The following FAM167A variants were observed in gnomAD, a reference collection of about 807,000 sequenced individuals.
FAM167A encodes protein FAM167A.
Under a neutral mutation model 14.9 loss-of-function variants are expected in FAM167A, and 23 were observed. The observed-to-expected ratio is 1.55, with a 90% CI of 1.11 to 2.19. FAM167A has a LOEUF of 2.19. FAM167A is among the 30% of genes most tolerant of loss of function. The probability of loss-of-function intolerance (pLI) is 0.00; values close to 1 mark genes in which losing one functional copy is unlikely to be tolerated. For synonymous variants in FAM167A, 174 were observed against 117.7 expected (o/e 1.48, Z -3.10); for missense variants, 401 against 281.5 (o/e 1.42, Z -3.04).
chr8:11,441,634 C>A (rs1806443906), intron 2 of FAM167A, among the ~76,000 whole-genome samples: 1 of 152,176 alleles, frequency 6.6e-6, no homozygotes, highest in South Asian at 2.1e-4. Context: ...AGCTCTCTAC[C>A]CTGTATGAGT....
At chr8:11,443,402 T>C (rs999027220) in intron 2 of FAM167A, among the ~76,000 whole-genome samples, 3 of 152,190 alleles carry the variant, frequency 2.0e-5, no homozygotes, top group African/African-American at 7.2e-5. Context: ...GGCCCCGCCC[T>C]GACTTCTGAG....
At chr8:11,446,425 C>T (rs755688770) in intron 1 of FAM167A, 12 of 151,370 alleles carry the variant, frequency 7.9e-5, no homozygotes, top group Non-Finnish European at 1.2e-4. Context: ...TTGGAGCAAG[C>T]GAGAATCCCC....
chr8:11,422,516 A>T lies in FAM167A; in HGVS notation c.*1857T>A, dbSNP rs970890689. The T allele has an allele frequency of 6.6e-6, 1 of 152,628 alleles. No homozygotes were observed. Among genetic ancestry groups the T allele is most frequent in the South Asian group, 2.1e-4 (1 of 4,826 alleles). 9.5% of individuals were successfully genotyped at this position (152,628 alleles called of 1,614,324 possible). On this transcript the variant is annotated 3_prime_UTR_variant, in exon 3 of 3. Transcript: ENST00000284486. The stretch of plus-strand genomic sequence containing the variant: ...GAGCTCTGAGGAAGGACAGCAGTAC[A>T]TGGTCCTCAGGCCTGCAGACTTCAT...
In FAM167A at chr8:11,443,782, G is replaced by C. The variant is rs150852499; in HGVS notation, c.381+249C>G. ...ACACCTTAACATGGGTTCAGGTTCT[G>C]CCAGAAAACACCTGCTTCCTTCATT... On this transcript the variant is annotated intron_variant, in intron 2 of 2. Transcript: ENST00000284486. 547 of 500,666 alleles carry C rather than the reference G, an allele frequency of 1.1e-3. 2 individuals carry two copies. Among genetic ancestry groups the C allele is most frequent in the Middle Eastern group, 2.1e-3 (4 of 1,872 alleles). The allele number at this position is 500,666 out of a possible 1,614,324, so 31.0% of individuals were successfully genotyped here.
chr8:11,457,354 G>T (rs955364413), intron 1 of FAM167A, among the ~76,000 whole-genome samples: 2 of 151,862 alleles, frequency 1.3e-5, no homozygotes, highest in Non-Finnish European at 2.9e-5. Context: ...TCTTCTGAAG[G>T]ACATTGATGC....
upstream of FAM167A, among the ~76,000 whole-genome samples, chr8:11,470,257 G>A (rs185832432): frequency 2.3e-3 from 357 of 152,272 alleles, 3 homozygotes; most frequent in Admixed American, 0.022. Flanking sequence ...TCGCTAATAA[G>A]GTGGTTTTCT....
chr8:11,447,576 C>G (rs1022036846), intron 1 of FAM167A, among the ~76,000 whole-genome samples: 1 of 152,184 alleles, frequency 6.6e-6, no homozygotes. Context: ...CAAAGTAGCC[C>G]CCAGAGGCAG....
At chr8:11,434,371 A>G (rs891004802) in intron 2 of FAM167A, among the ~76,000 whole-genome samples, 1 of 152,036 alleles carries the variant, frequency 6.6e-6, no homozygotes, top group African/African-American at 2.4e-5. Flanking sequence ...GGCAGGTGCA[A>G]TGGCTCCTGT....
At chr8:11,425,791 G>A (rs1236270081) in intron 2 of FAM167A, among the ~76,000 whole-genome samples, 2 of 132,444 alleles carry the variant, frequency 1.5e-5, no homozygotes, top group Non-Finnish European at 3.5e-5. Context: ...CTGGTATAGC[G>A]TCACATAACA....
Position 11,463,659 on chromosome 8 carries a change from G to C in FAM167A, c.-398+2967C>G, listed in dbSNP as rs561319077. On this transcript the variant is annotated intron_variant, in intron 1 of 2. Coordinates refer to ENST00000284486, the MANE Select transcript of FAM167A (RefSeq NM_053279.3). ...GATGCCCAAGGGACAAGCCCTGCGA[G>C]GGAGCCCTTGGGCATCTACTGCCAG... 1.8e-3 allele frequency among the ~76,000 whole-genome samples: 281 copies of C among 152,334 alleles called. 2 individuals are homozygous for C. Among genetic ancestry groups the C allele is most frequent in the African/African-American group, 6.5e-3 (270 of 41,580 alleles).
chr8:11,454,345 T>TCTCCTGATTC (rs1807146214), intron 1 of FAM167A, among the ~76,000 whole-genome samples: 2 of 152,172 alleles, frequency 1.3e-5, no homozygotes, highest in African/African-American at 2.4e-5. Context: ...AAGGACAGCA[T>TCTCCTGATTC]CTCCTGATTC....
At chr8:11,445,276 C>T in intron 1 of FAM167A, 3 of 985,596 alleles carry the variant, frequency 3.0e-6, no homozygotes, top group Non-Finnish European at 3.6e-6. Context: ...GCACCCCACA[C>T]AGGCTAAGGT....
intron 2 of FAM167A, among the ~76,000 whole-genome samples, chr8:11,431,001 G>A (rs570361656): frequency 5.9e-5 from 9 of 152,328 alleles, no homozygotes; most frequent in Non-Finnish European, 8.8e-5. Flanking sequence ...GAAACAGCAT[G>A]GCGGGTCCCG....
intron 1 of FAM167A, among the ~76,000 whole-genome samples, chr8:11,446,200 G>A (rs935829477): frequency 3.9e-5 from 6 of 152,272 alleles, no homozygotes; most frequent in East Asian, 3.9e-4. Context: ...GACATGGCAC[G>A]CAGACGCTTA....
chr8:11,434,751 A>G (rs1454358463), intron 2 of FAM167A: 3 of 272,096 alleles, frequency 1.1e-5, no homozygotes, highest in African/African-American at 6.7e-5. Flanking sequence ...GCAGCCTCTG[A>G]TGACATGATG....
At chr8:11,448,006 C>T (rs1382439946) in intron 1 of FAM167A, among the ~76,000 whole-genome samples, 2 of 152,064 alleles carry the variant, frequency 1.3e-5, no homozygotes, top group African/African-American at 2.4e-5. Context: ...CCAGCCTGAC[C>T]AACATAGTGA....
chr8:11,440,773 G>A (rs561297244), intron 2 of FAM167A, among the ~76,000 whole-genome samples: 16 of 152,202 alleles, frequency 1.1e-4, no homozygotes, highest in Non-Finnish European at 2.1e-4. Flanking sequence ...CTGTAGGAAG[G>A]GCTTGCCCAG....
At chr8:11,441,422 C>T (rs1226343212) in intron 2 of FAM167A, among the ~76,000 whole-genome samples, 1 of 152,210 alleles carries the variant, frequency 6.6e-6, no homozygotes, top group Admixed American at 6.5e-5. Flanking sequence ...CCAAAGGGAC[C>T]AGAATCTTCA....
At position 11,424,558 on chromosome 8, in the gene FAM167A, C is replaced by CG. The variant is rs1001750743; in HGVS notation, c.459dup (p.Glu154ArgfsTer23). 2 of 1,613,976 alleles carry CG rather than the reference C, an allele frequency of 1.2e-6. No individual in the cohort carries two copies. The highest frequency in any genetic ancestry group is 1.3e-5 in the African/African-American group (1 of 74,912). On this transcript the variant is annotated frameshift_variant, in exon 3 of 3. Coordinates refer to ENST00000284486, the MANE Select transcript of FAM167A (RefSeq NM_053279.3). LOFTEE classifies it high-confidence loss of function. ...CTCCTGTGGAGGCGGCAGGTGTGTT[C>CG]GATTTTCAGCTTGTTGATGTCGCCA...
Sources: gnomAD v4.1 joint callset for allele counts (sites outside exome capture counted in the v4.1 genomes callset) on GRCh38, gnomAD v4.1.1 for gene constraint, MANE v1.5 for transcripts, NCBI Gene and HGNC (gene_info 2026-07-23, HGNC 2026-07-21) for gene names.